The following COL25A1 variants were observed in gnomAD, a reference collection of about 807,000 sequenced individuals.
The protein encoded by COL25A1 is collagen alpha-1(XXV) chain.
COL25A1 carries 103 observed loss-of-function variants against 128.4 expected under a neutral mutation model. The ratio of observed to expected loss-of-function variants is 0.80; its 90% CI spans 0.68 to 0.94. The LOEUF (loss-of-function observed/expected upper bound fraction) is 0.94, where lower values mean the gene tolerates loss of function less well. Among genes scored for constraint, COL25A1 ranks in the 40% least tolerant of loss-of-function variants. The probability of loss-of-function intolerance (pLI) is 0.00; values close to 1 mark genes in which losing one functional copy is unlikely to be tolerated. For missense variants in COL25A1, 745 were observed against 840.0 expected (o/e 0.89, Z 1.40); for synonymous variants, 279 against 277.2 (o/e 1.01, Z -0.06).
chr4:109,121,606 T>G (rs1044465621), intron 3 of COL25A1, among the ~76,000 whole-genome samples: 1 of 152,034 alleles, frequency 6.6e-6, no homozygotes, highest in Non-Finnish European at 1.5e-5. Flanking sequence ...GACCAAAATC[T>G]AAAACCCTGA....
intron 3 of COL25A1, among the ~76,000 whole-genome samples, chr4:109,276,025 TCTC>T (rs1289457288): frequency 9.2e-5 from 14 of 152,160 alleles, no homozygotes. Context: ...TGCTCACTCT[TCTC>T]CTCCATATAT....
At chr4:108,939,563 A>G (rs1475678836) in intron 10 of COL25A1, among the ~76,000 whole-genome samples, 1 of 152,190 alleles carries the variant, frequency 6.6e-6, no homozygotes, top group Admixed American at 6.5e-5. Flanking sequence ...TATTGTAAAT[A>G]TTGTAAACAT....
intron 6 of COL25A1, among the ~76,000 whole-genome samples, chr4:108,990,260 A>G (rs1470485714): frequency 1.5e-5 from 2 of 136,038 alleles, no homozygotes; most frequent in African/African-American, 5.6e-5. Flanking sequence ...ATATATATAT[A>G]TATATATATA....
intron 3 of COL25A1, among the ~76,000 whole-genome samples, chr4:109,076,867 T>C (rs1763425245): frequency 6.6e-6 from 1 of 152,114 alleles, no homozygotes; most frequent in Non-Finnish European, 1.5e-5. Context: ...TATGAGAATC[T>C]AATGCCATTG....
At chr4:109,225,585 C>T (rs1239514687) in intron 3 of COL25A1, among the ~76,000 whole-genome samples, 1 of 152,112 alleles carries the variant, frequency 6.6e-6, no homozygotes, top group African/African-American at 2.4e-5. Flanking sequence ...TTTGATACAG[C>T]AATTCTACTA....
chr4:109,233,458 G>A (rs1431951117), intron 3 of COL25A1, among the ~76,000 whole-genome samples: 1 of 151,224 alleles, frequency 6.6e-6, no homozygotes. Context: ...GAAAGACAGT[G>A]AGTATGTGGA....
intron 18 of COL25A1, among the ~76,000 whole-genome samples, chr4:108,888,091 C>T (rs567310982): frequency 6.6e-6 from 1 of 152,052 alleles, no homozygotes; most frequent in South Asian, 2.1e-4. Context: ...TCAACTTTAC[C>T]TAAAACTGGG....
chr4:109,218,357 G>GTTTTTTTTGTTTTTGTTTTTTT (rs1778165932), intron 3 of COL25A1, among the ~76,000 whole-genome samples: 1 of 73,530 alleles, frequency 1.4e-5, no homozygotes, highest in East Asian at 5.1e-4. Flanking sequence ...GTTTTTTGGG[G>GTTTTTTTTGTTTTTGTTTTTTT]TTTTTTTTTT....
chr4:109,249,536 A>G (rs1780509123), intron 3 of COL25A1, among the ~76,000 whole-genome samples: 1 of 152,202 alleles, frequency 6.6e-6, no homozygotes. Flanking sequence ...TTTATGTGTC[A>G]GTATAATACA....
intron 3 of COL25A1, among the ~76,000 whole-genome samples, chr4:109,066,111 A>G (rs1389866618): frequency 1.3e-5 from 2 of 152,200 alleles, no homozygotes; most frequent in African/African-American, 4.8e-5. Flanking sequence ...AATAGACTGC[A>G]ATCTAGAATA....
intron 8 of COL25A1, among the ~76,000 whole-genome samples, chr4:108,963,439 T>C (rs1750950823): frequency 6.6e-6 from 1 of 152,186 alleles, no homozygotes; most frequent in South Asian, 2.1e-4. Flanking sequence ...TTTTTGTCCA[T>C]TTCAAATACA....
At chr4:108,904,312 G>A (rs1332233693) in intron 13 of COL25A1, among the ~76,000 whole-genome samples, 2 of 151,990 alleles carry the variant, frequency 1.3e-5, no homozygotes, top group African/African-American at 2.4e-5. Context: ...ATACATACAT[G>A]TATACATATA....
intron 19 of COL25A1, among the ~76,000 whole-genome samples, chr4:108,879,435 T>C (rs1260096418): frequency 3.9e-5 from 6 of 152,082 alleles, no homozygotes; most frequent in African/African-American, 1.2e-4. Flanking sequence ...AAACTGATGG[T>C]ATATGGGTTT....
chr4:109,022,125 T>G, intron 5 of COL25A1: 1 of 452,416 alleles, frequency 2.2e-6, no homozygotes. Flanking sequence ...AAATCCCTAA[T>G]AAAAACTTGC....
intron 5 of COL25A1, among the ~76,000 whole-genome samples, chr4:109,046,551 A>C (rs980187476): frequency 6.6e-6 from 1 of 152,216 alleles, no homozygotes; most frequent in African/African-American, 2.4e-5. Context: ...TTACTTACTT[A>C]ACATGAAGAG....
Position 108,988,644 on chromosome 4 carries a change from GAA to G in COL25A1, c.439-14087_439-14086del, listed in dbSNP as rs371123048. On this transcript the variant is annotated intron_variant, in intron 6 of 37. Coordinates refer to ENST00000399132, the MANE Select transcript of COL25A1 (RefSeq NM_198721.4). Reference sequence around the variant, plus strand: ...CCCTGTGACTTCAAAGTTTTAAAAAGAATTATTCTGTTTTTACTCCCCCCACA... The same window carrying G: ...CCCTGTGACTTCAAAGTTTTAAAAAGTTATTCTGTTTTTACTCCCCCCACA... Among the ~76,000 whole-genome samples the G allele has an allele frequency of 1.9e-4, 29 of 152,250 alleles. No homozygotes were observed. The East Asian group carries it at 4.6e-3, about 24-fold the overall frequency.
intron 3 of COL25A1, among the ~76,000 whole-genome samples, chr4:109,054,782 G>C (rs1489506762): frequency 6.6e-6 from 1 of 152,202 alleles, no homozygotes; most frequent in African/African-American, 2.4e-5. Context: ...GACAGAGTGA[G>C]GACGAAGCTG....
At chr4:109,050,477 G>A (rs1006092041) in intron 3 of COL25A1, among the ~76,000 whole-genome samples, 9 of 152,028 alleles carry the variant, frequency 5.9e-5, no homozygotes, top group Admixed American at 3.9e-4. Flanking sequence ...GGTTTGCTAA[G>A]AAAATTGGTA....
Position 108,940,563 on chromosome 4 carries a change from G to C in COL25A1, c.648C>G (p.Gly216=), listed in dbSNP as rs758629387. 28 of 1,613,800 alleles carry C rather than the reference G, an allele frequency of 1.7e-5. No homozygotes were observed. Among genetic ancestry groups the C allele is most frequent in the Non-Finnish European group, 1.4e-5 (17 of 1,179,750 alleles). ...CGGGTACTCCTGGCATTCCACGGGG[G>C]CCATCTTTCCCTGTGTCCCCAGGTG... ...RGPPGDTGKD[G]PRGMPGVPGE... The change falls in exon 10 of 38, where the codon GGC becomes GGG. Residue 216 remains glycine, a synonymous_variant. Transcript: ENST00000399132.
Sources: gnomAD v4.1 joint callset for allele counts (sites outside exome capture counted in the v4.1 genomes callset) on GRCh38, gnomAD v4.1.1 for gene constraint, MANE v1.5 for transcripts, NCBI Gene and HGNC (gene_info 2026-07-23, HGNC 2026-07-21) for gene names.